The following ME3 variants were observed in gnomAD, a reference collection of about 807,000 sequenced individuals.
ME3 encodes the protein NADP-dependent malic enzyme, mitochondrial.
A neutral mutation model predicts 68.9 loss-of-function variants in ME3; 48 were observed. The observed-to-expected ratio is 0.70, with a 90% CI of 0.55 to 0.89. The LOEUF (loss-of-function observed/expected upper bound fraction) is 0.89, where lower values mean the gene tolerates loss of function less well. Ranked by LOEUF, ME3 falls within the 40% of genes least tolerant of loss-of-function variation. The pLI, the probability that ME3 is intolerant of heterozygous loss-of-function variation, is 0.00. For synonymous variants in ME3, 320 were observed against 318.8 expected (o/e 1.00, Z -0.04); for missense variants, 675 against 797.4 (o/e 0.85, Z 1.85).
In ME3 at chr11:86,509,398, T is replaced by TCACACACACA. The variant is rs3045014; in HGVS notation, c.468-541_468-532dup. ...GTGACAGTCTTGAGCTACTCCATCA[T>TCACACACACA]CACACACACACACACACACACACAC... On this transcript the variant is annotated intron_variant, in intron 4 of 14. Transcript: ENST00000543262. Among the ~76,000 whole-genome samples, 1,342 of 144,648 alleles carry TCACACACACA rather than the reference T, an allele frequency of 9.3e-3. 31 individuals carry two copies. The highest frequency in any genetic ancestry group is 0.031 in the African/African-American group (1,280 of 40,844). 94.9% of individuals were successfully genotyped at this position (144,648 alleles called of 152,430 possible).
intron 2 of ME3, among the ~76,000 whole-genome samples, chr11:86,588,529 G>A (rs1052501020): frequency 5.9e-5 from 9 of 152,074 alleles, no homozygotes; most frequent in African/African-American, 1.2e-4. Context: ...CATAGAAAAC[G>A]CCATATTTCA....
At chr11:86,448,432 C>G (rs1164028872) in intron 10 of ME3, among the ~76,000 whole-genome samples, 177 bp from the exon 11 acceptor site, 6 of 152,118 alleles carry the variant, frequency 3.9e-5, no homozygotes, top group Non-Finnish European at 8.8e-5. Flanking sequence ...TATGGTGGGA[C>G]ATAAGTGTGA....
chr11:86,488,179 C>CA (rs946607632), intron 6 of ME3, among the ~76,000 whole-genome samples: 17 of 149,360 alleles, frequency 1.1e-4, no homozygotes, highest in African/African-American at 3.9e-4. Context: ...GACCCTGTCT[C>CA]AAAAAAAAAG....
intron 2 of ME3, among the ~76,000 whole-genome samples, chr11:86,636,255 T>C (rs1944325932): frequency 8.6e-6 from 1 of 116,406 alleles, no homozygotes; most frequent in South Asian, 2.8e-4. Flanking sequence ...TGAACCCAGT[T>C]TTTCTTTCTT....
chr11:86,544,722 T>C (rs1159982630), intron 4 of ME3, among the ~76,000 whole-genome samples: 2 of 152,112 alleles, frequency 1.3e-5, no homozygotes, highest in Non-Finnish European at 2.9e-5. Flanking sequence ...CGAATTCTAC[T>C]AGAGGTACAA....
chr11:86,470,293 C>T lies in ME3; in HGVS notation c.810-5093G>A, dbSNP rs1950712990. ...TATTTCCATGGTAGTCCATGCTGTTCCCCTCCCCCCAGAAAAAAACCCACA... is the reference window on the plus strand; with the variant it reads ...TATTTCCATGGTAGTCCATGCTGTTTCCCTCCCCCCAGAAAAAAACCCACA... On this transcript the variant is annotated intron_variant, in intron 7 of 14. Transcript: ENST00000543262. Among the ~76,000 whole-genome samples the T allele has an allele frequency of 2.6e-5, 4 of 152,248 alleles. No homozygotes were observed. In the South Asian group the frequency reaches 8.3e-4, roughly 32 times the overall value.
chr11:86,457,440 C>T lies in ME3; in HGVS notation c.920-7042G>A, dbSNP rs142986712. On this transcript the variant is annotated intron_variant, in intron 8 of 14. Transcript: ENST00000543262. ...GTTCTCAGCCTTCTTCTTTCTTGAC[C>T]TCTCAGCAGCATTTGGTACTGTTGC... 264 of 943,880 alleles carry T rather than the reference C, an allele frequency of 2.8e-4. 2 individuals are homozygous for T. Among genetic ancestry groups the T allele is most frequent in the Non-Finnish European group, 1.4e-5 (11 of 779,752 alleles). 58.5% of individuals were successfully genotyped at this position (943,880 alleles called of 1,614,324 possible). A position where few individuals can be genotyped will look rare whatever the true frequency, so the allele number is the denominator to read the frequency against.
chr11:86,498,520 C>T (rs370221181), intron 5 of ME3, among the ~76,000 whole-genome samples: 9 of 152,178 alleles, frequency 5.9e-5, no homozygotes, highest in Non-Finnish European at 8.8e-5. Context: ...AATACGTGTT[C>T]GTGCTGCTGC....
At chr11:86,489,651 C>A (rs1037777320) in intron 6 of ME3, among the ~76,000 whole-genome samples, 3 of 152,094 alleles carry the variant, frequency 2.0e-5, no homozygotes, top group Non-Finnish European at 4.4e-5. Flanking sequence ...CCTGCCCAAC[C>A]GAGACTCTGC....
At chr11:86,567,570 G>A (rs1409357525) in intron 2 of ME3, among the ~76,000 whole-genome samples, 1 of 152,192 alleles carries the variant, frequency 6.6e-6, no homozygotes, top group East Asian at 1.9e-4. Flanking sequence ...AATGATCACT[G>A]TGGCTTTTCA....
downstream of ME3, among the ~76,000 whole-genome samples, chr11:86,437,669 C>T (rs191504601): frequency 4.6e-5 from 7 of 152,226 alleles, no homozygotes; most frequent in East Asian, 1.2e-3. Flanking sequence ...GTATACTATA[C>T]TTGCACTTCT....
At chr11:86,637,136 T>G (rs961858466) in intron 2 of ME3, among the ~76,000 whole-genome samples, 12 of 151,762 alleles carry the variant, frequency 7.9e-5, no homozygotes, top group South Asian at 2.1e-4. Flanking sequence ...TAACAGTGTG[T>G]GGGTCTTATA....
intron 2 of ME3, among the ~76,000 whole-genome samples, chr11:86,568,207 C>A (rs75045497): frequency 0.058 from 8,855 of 152,204 alleles, 397 homozygotes; most frequent in African/African-American, 0.13. Flanking sequence ...TGGTAGGGAC[C>A]TGACTATTGT....
In ME3 at chr11:86,550,126, C is replaced by T. The variant is rs372885220; in HGVS notation, c.467+6427G>A. ...GCTCCACTTCAGGGATTCTGATTTA[C>T]AGCTCTCCAGACACGTTTAGTGCAC... On this transcript the variant is annotated intron_variant, in intron 4 of 14. Transcript: ENST00000543262. Among the ~76,000 whole-genome samples, 12 of 152,182 alleles carry T rather than the reference C, an allele frequency of 7.9e-5. No homozygotes were observed. In the East Asian group the frequency reaches 1.2e-3, roughly 15 times the overall value.
rs977663073 is a variant in ME3 at position 86,659,526 on chromosome 11, C to T, written c.183+12236G>A. 3.3e-5 allele frequency among the ~76,000 whole-genome samples: 5 copies of T among 152,286 alleles called. No individual in the cohort carries two copies. The South Asian group carries it at 1.0e-3, about 32-fold the overall frequency. Reference sequence around the variant, plus strand: ...AAGCCTAAATGCTAGTCAAGATGACCTCTTTGTCTTCTGGGGGGATGATCA... The same window carrying T: ...AAGCCTAAATGCTAGTCAAGATGACTTCTTTGTCTTCTGGGGGGATGATCA... On this transcript the variant is annotated intron_variant, in intron 2 of 14. Coordinates refer to ENST00000543262, the Ensembl canonical transcript of ME3.
exon 3 of ME3, chr11:86,559,816 G>T (rs1957115218): frequency 1.2e-6 from 2 of 1,613,562 alleles, no homozygotes; most frequent in African/African-American, 1.3e-5. Flanking sequence ...AAGGGTAAAG[G>T]CCATCCCCTG....
chr11:86,548,553 T>C (rs1956492746), intron 4 of ME3, among the ~76,000 whole-genome samples: 1 of 152,228 alleles, frequency 6.6e-6, no homozygotes, highest in East Asian at 1.9e-4. Context: ...ATGACACTTC[T>C]GCAGATAAGC....
At position 86,536,708 on chromosome 11, in the gene ME3, C is replaced by G. The variant is rs1198793040; in HGVS notation, c.467+19845G>C. On this transcript the variant is annotated intron_variant, in intron 4 of 14. Transcript: ENST00000543262. The stretch of plus-strand genomic sequence containing the variant: ...TGGTGGGACTGTAAACTAGTTCAAC[C>G]ATTGTGGAAGTCAGTGTGGCGATTC... Among the ~76,000 whole-genome samples the G allele has an allele frequency of 6.1e-5, 9 of 147,938 alleles. No individual in the cohort carries two copies. The East Asian group carries it at 1.8e-3, about 30-fold the overall frequency.
chr11:86,648,458 C>G (rs888507174), intron 2 of ME3, among the ~76,000 whole-genome samples: 5 of 145,854 alleles, frequency 3.4e-5, no homozygotes, highest in Non-Finnish European at 1.5e-5. Context: ...TAGCAGAAGA[C>G]AAGAAATAAC....
Sources: allele counts gnomAD v4.1 joint callset (sites outside exome capture counted in the v4.1 genomes callset), GRCh38; gene constraint gnomAD v4.1.1; transcripts MANE v1.5; gene names NCBI Gene and HGNC (gene_info 2026-07-23, HGNC 2026-07-21).